The following CCHCR1 variants were observed in gnomAD, a reference collection of about 807,000 sequenced individuals.
CCHCR1 encodes the protein coiled-coil alpha-helical rod protein 1, also known as HCR (a-helix coiled-coil rod homologue).
Under a neutral mutation model 114.6 loss-of-function variants are expected in CCHCR1, and 91 were observed. The observed-to-expected ratio is 0.79, with a 90% CI of 0.67 to 0.94. CCHCR1 has a LOEUF of 0.94. Among genes scored for constraint, CCHCR1 ranks in the 40% least tolerant of loss-of-function variants. The probability of loss-of-function intolerance (pLI) is 0.00; values close to 1 mark genes in which losing one functional copy is unlikely to be tolerated. For synonymous variants in CCHCR1, 379 were observed against 428.5 expected, an observed-to-expected ratio of 0.88 and a Z score of 1.43; for missense variants, 899 against 1,079.9, an observed-to-expected ratio of 0.83 and a Z score of 2.35.
Position 31,156,794 on chromosome 6 carries a change from G to A in CCHCR1, c.434C>T (p.Pro145Leu), listed in dbSNP as rs775239044. 1.9e-6 allele frequency: 3 copies of A among 1,612,812 alleles called. No homozygotes were observed. Among genetic ancestry groups the A allele is most frequent in the Admixed American group, 3.3e-5 (2 of 59,960 alleles). Residue 145 changes from proline (P) to leucine (L), a missense_variant, in exon 3 of 18, where the codon CCT becomes CTT. Pro to Leu is a moderately conservative substitution (Grantham distance 98). Transcript: ENST00000396268. The part of the protein sequence containing the change: ...VSERRLDTQR[P>L]QVTMWERDVS... The stretch of plus-strand genomic sequence containing the variant: ...ATCCCGTTCCCACATGGTCACTTGA[G>A]GTCTCTGGGTGTCTAGCCGCCTCTC...
intron 3 of CCHCR1, among the ~76,000 whole-genome samples, chr6:31,155,216 A>G (rs1158409459): frequency 3.3e-5 from 5 of 152,164 alleles, no homozygotes; most frequent in Non-Finnish European, 4.4e-5. Flanking sequence ...GGGACTTCTC[A>G]ATTCTAATTT....
Position 31,157,444 on chromosome 6 carries a change from C to T in CCHCR1, c.157G>A (p.Val53Ile), listed in dbSNP as rs1776209173. 2 of 1,613,034 alleles carry T rather than the reference C, an allele frequency of 1.2e-6. No homozygotes were observed. Among genetic ancestry groups the T allele is most frequent in the East Asian group, 2.2e-5 (1 of 44,882 alleles). ...WRWRSRPLHC[V>I]PPFSPLARSS... ...CTGGCCAGAGGTGAGAAAGGAGGTACACAGTGCAGGGGTCTTGAGCGCCAT... is the reference window on the plus strand; with the variant it reads ...CTGGCCAGAGGTGAGAAAGGAGGTATACAGTGCAGGGGTCTTGAGCGCCAT... The change falls in exon 1 of 18, where the codon GTA becomes ATA. Residue 53 changes from valine (V) to isoleucine (I), a missense_variant. Transcript: ENST00000396268.
In CCHCR1 at chr6:31,154,595, G is replaced by A. The variant is rs996421735; in HGVS notation, c.702C>T (p.Gly234=). The change falls in exon 4 of 18, where the codon GGC becomes GGT. Residue 234 remains glycine, a synonymous_variant. Coordinates refer to ENST00000396268, the MANE Select transcript of CCHCR1 (RefSeq NM_001105564.2). This position sits in a 1 kb window ranked among gnomAD's most constrained non-coding sequence, Gnocchi z 4.1. ...AEKAGRAEAE[G]LRAALAGAEV... ...CAGCCCCAGCCAAAGCAGCACGCAG[G>A]CCCTCAGCCTCAGCTCGGCCGGCCT... The A allele has an allele frequency of 2.5e-6, 4 of 1,612,898 alleles. No individual in the cohort carries two copies. Among genetic ancestry groups the A allele is most frequent in the Admixed American group, 3.3e-5 (2 of 59,994 alleles).
In CCHCR1 at chr6:31,144,285, C is replaced by G. The variant is rs1172797936; in HGVS notation, c.2167+402G>C. Among the ~76,000 whole-genome samples the G allele has an allele frequency of 6.6e-6, 1 of 152,086 alleles. No individual in the cohort carries two copies. Among genetic ancestry groups the G allele is most frequent in the African/African-American group, 2.4e-5 (1 of 41,394 alleles). Reference sequence around the variant, plus strand: ...CTTGGCTCACTGCAGCCTCGACCTCCCGGGTTCATGTAGTCTTCCCACATC... The same window carrying G: ...CTTGGCTCACTGCAGCCTCGACCTCGCGGGTTCATGTAGTCTTCCCACATC... On this transcript the variant is annotated intron_variant, in intron 15 of 17. Coordinates refer to ENST00000396268, the MANE Select transcript of CCHCR1 (RefSeq NM_001105564.2). This position sits in a 1 kb window ranked among gnomAD's most constrained non-coding sequence, Gnocchi z 4.6.
In CCHCR1 at chr6:31,154,712, C is replaced by T. The variant is rs1402825166; in HGVS notation, c.585G>A (p.Glu195=). 1.9e-6 allele frequency: 3 copies of T among 1,609,052 alleles called. No individual in the cohort carries two copies. The highest frequency in any genetic ancestry group is 2.5e-6 in the Non-Finnish European group (3 of 1,179,940). ...AGGTCTCCCGCAGGAGCCGGACCTC[C>T]TCCTCCAGCCGCCGCAGCTCTTGCA... ...RQLQELRRLE[E]EVRLLRETSL... Residue 195 remains glutamate (E), a synonymous_variant, in exon 4 of 18, where the codon GAG becomes GAA. Transcript: ENST00000396268. This position sits in a 1 kb window ranked among gnomAD's most constrained non-coding sequence, Gnocchi z 4.1.
At position 31,157,404 on chromosome 6, in the gene CCHCR1, T is replaced by C. The variant is rs1776201088; in HGVS notation, c.197A>G (p.His66Arg). 2.5e-6 allele frequency: 4 copies of C among 1,612,850 alleles called. No individual in the cohort carries two copies. Among genetic ancestry groups the C allele is most frequent in the African/African-American group, 1.3e-5 (1 of 74,932 alleles). ...FSPLARSSRD[H>R]RNLRRRGNID... ...CTCTACCCTCCTCCTTAAGTTTCTA[T>C]GGTCCCTGCTGCTCCTGGCCAGAGG... Residue 66 changes from histidine to arginine, a missense_variant, in exon 1 of 18, where the codon CAT becomes CGT. His to Arg is a conservative substitution (Grantham distance 29). Coordinates refer to ENST00000396268, the MANE Select transcript of CCHCR1 (RefSeq NM_001105564.2).
Position 31,143,936 on chromosome 6 carries a change from G to A in CCHCR1, c.2168-523C>T, listed in dbSNP as rs1238432074. 2.0e-5 allele frequency among the ~76,000 whole-genome samples: 3 copies of A among 152,110 alleles called. No homozygotes were observed. The highest frequency in any genetic ancestry group is 6.5e-5 in the Admixed American group (1 of 15,274). On this transcript the variant is annotated intron_variant, in intron 15 of 17. Coordinates refer to ENST00000396268, the MANE Select transcript of CCHCR1 (RefSeq NM_001105564.2). This position sits in a 1 kb window ranked among gnomAD's most constrained non-coding sequence, Gnocchi z 5.3. ...TAGCTGGGCATGGTGGTGGGCGCCT[G>A]TAATCCCAGCTACTTGGGAGGCTGA...
chr6:31,142,550 C>T lies in CCHCR1; in HGVS notation c.*42G>A. On this transcript the variant is annotated 3_prime_UTR_variant, in exon 18 of 18. Coordinates refer to ENST00000396268, the MANE Select transcript of CCHCR1 (RefSeq NM_001105564.2). ...TGTCCCCACCCACTTCTCCAGGATC[C>T]TCCCAGCCCCCAGGCTGGCTTTCCC... The T allele has an allele frequency of 6.3e-7, 1 of 1,590,890 alleles. No individual in the cohort carries two copies. The highest frequency in any genetic ancestry group is 8.6e-7 in the Non-Finnish European group (1 of 1,165,398).
chr6:31,155,284 A>G (rs1775826078), intron 3 of CCHCR1, among the ~76,000 whole-genome samples: 1 of 152,140 alleles, frequency 6.6e-6, no homozygotes, highest in Admixed American at 6.5e-5. Flanking sequence ...TTCCAGTATC[A>G]ATATGGTGAG....
chr6:31,157,854 T>G (rs1412302641), upstream of CCHCR1: 332 of 460,118 alleles, frequency 7.2e-4, no homozygotes, highest in Middle Eastern at 2.3e-3. Flanking sequence ...CTGGGATCCC[T>G]ACTCCCGTCC....
rs1284855365 is a variant in CCHCR1 at position 31,151,658 on chromosome 6, C to A, written c.802-536G>T. Among the ~76,000 whole-genome samples the A allele has an allele frequency of 6.6e-6, 1 of 152,236 alleles. No homozygotes were observed. The highest frequency in any genetic ancestry group is 1.5e-5 in the Non-Finnish European group (1 of 68,046). On this transcript the variant is annotated intron_variant, in intron 4 of 17. Coordinates refer to ENST00000396268, the MANE Select transcript of CCHCR1 (RefSeq NM_001105564.2). This position sits in a 1 kb window ranked among gnomAD's most constrained non-coding sequence, Gnocchi z 4.1. ...GCCCTCTAATACCGTCCCTCCCCAC[C>A]CTACTCTGCCCCATCAGCTGTTCAC... is the stretch of plus-strand genomic sequence containing the variant.
In CCHCR1 at chr6:31,142,955, C is replaced by T. The variant is rs1773753784; in HGVS notation, c.2491+8G>A. 2.5e-6 allele frequency: 4 copies of T among 1,611,210 alleles called. No homozygotes were observed. The Admixed American group carries it at 5.0e-5, about 20-fold the overall frequency. The stretch of plus-strand genomic sequence containing the variant: ...TTGTCCCTTGTCCCTTTGTGCTTGG[C>T]CCAAGACCTTTTATGGACTCCCTGG... On this transcript the variant is annotated splice_region_variant and intron_variant, in intron 17 of 17. Transcript: ENST00000396268.
In CCHCR1 at chr6:31,152,082, G is replaced by A. The variant is rs533887140; in HGVS notation, c.802-960C>T. ...GAGGCCGAGGTGGGTGGATCACAAG[G>A]TCAGGAGATCGAGATCATCCTGGCT... On this transcript the variant is annotated intron_variant, in intron 4 of 17. Transcript: ENST00000396268. Among the ~76,000 whole-genome samples the A allele has an allele frequency of 2.6e-5, 4 of 152,146 alleles. No individual in the cohort carries two copies. The East Asian group carries it at 7.8e-4, about 30-fold the overall frequency.
rs543595232 is a variant in CCHCR1 at position 31,154,704 on chromosome 6, C to T, written c.593G>A (p.Arg198Gln). 1.4e-5 allele frequency: 22 copies of T among 1,609,794 alleles called. No homozygotes were observed. The African/African-American group carries it at 1.5e-4, about 11-fold the overall frequency. ...CTGCAGCGAGGTCTCCCGCAGGAGC[C>T]GGACCTCCTCCTCCAGCCGCCGCAG... ...QELRRLEEEV[R>Q]LLRETSLQQK... The change falls in exon 4 of 18, where the codon CGG (arginine) becomes CAG (glutamine). Residue 198 changes from arginine (R) to glutamine (Q), a missense_variant. Coordinates refer to ENST00000396268, the MANE Select transcript of CCHCR1 (RefSeq NM_001105564.2). The surrounding 1 kb of genome is among the most constrained non-coding windows in gnomAD (Gnocchi z 4.1).
intron 2 of CCHCR1, 29 bp from the exon 3 acceptor site, chr6:31,156,973 A>G: frequency 6.2e-7 from 1 of 1,612,302 alleles, no homozygotes; most frequent in Non-Finnish European, 8.5e-7. Flanking sequence ...AAAGATGGTC[A>G]GTTTCCCAGG....
At chr6:31,146,458 A>T (rs1774349709) in intron 10 of CCHCR1, among the ~76,000 whole-genome samples, 1 of 152,168 alleles carries the variant, frequency 6.6e-6, no homozygotes, top group African/African-American at 2.4e-5. Context: ...AGTAGGACCA[A>T]CCTGGCTCAT....
At chr6:31,153,152 G>GT (rs1401829172) in intron 4 of CCHCR1, among the ~76,000 whole-genome samples, 6 of 151,880 alleles carry the variant, frequency 4.0e-5, no homozygotes, top group East Asian at 3.9e-4. Context: ...GCTAATTTTT[G>GT]TATTTTTTTG....
intron 12 of CCHCR1, 41 bp from the exon 13 acceptor site, chr6:31,145,343 C>T (rs1774172481): frequency 6.2e-7 from 1 of 1,612,868 alleles, no homozygotes; most frequent in Non-Finnish European, 8.5e-7. Flanking sequence ...AATCACCCAG[C>T]TGCCTGATCC....
At position 31,157,625 on chromosome 6, in the gene CCHCR1, C is replaced by G. The variant is rs72856720; in HGVS notation, c.-25G>C. ...TGCAGGGCTAGACCCTCCCCAAGAC[C>G]TTGGGAATCCAGGCCGCCTAGATCC... On this transcript the variant is annotated 5_prime_UTR_variant, in exon 1 of 18. Coordinates refer to ENST00000396268, the MANE Select transcript of CCHCR1 (RefSeq NM_001105564.2). 125,793 of 1,581,202 alleles carry G rather than the reference C, an allele frequency of 0.08. 5,846 individuals are homozygous for G. The highest frequency in any genetic ancestry group is 0.14 in the Admixed American group (7,815 of 54,838).
Sources: allele counts gnomAD v4.1 joint callset (sites outside exome capture counted in the v4.1 genomes callset), GRCh38; gene constraint gnomAD v4.1.1; non-coding constraint Gnocchi (gnomAD v3.1); transcripts MANE v1.5; gene names NCBI Gene and HGNC (gene_info 2026-07-23, HGNC 2026-07-21).